The following REST variants were observed in gnomAD, a reference collection of about 807,000 sequenced individuals.
REST encodes the protein RE1-silencing transcription factor.
A neutral mutation model predicts 30.4 loss-of-function variants in REST; 1 was observed. That is an observed-to-expected ratio of 0.03 (90% CI 0.01 to 0.16). The LOEUF (loss-of-function observed/expected upper bound fraction) is 0.16, where lower values mean the gene tolerates loss of function less well. Among genes scored for constraint, REST ranks in the 10% least tolerant of loss-of-function variants. REST has a pLI of 1.00. For missense variants in REST, 1,259 were observed against 1,329.5 expected, an observed-to-expected ratio of 0.95 and a Z score of 0.82; for synonymous variants, 504 against 451.1, an observed-to-expected ratio of 1.12 and a Z score of -1.49.
chr4:56,915,074 G>A lies in REST; in HGVS notation c.898+3538G>A, dbSNP rs528391174. ...TGAGTAGCTGGGATTCCAGGCATGC[G>A]CCACCACACCTGCTAATTTTGTATT... is the stretch of plus-strand genomic sequence containing the variant. On this transcript the variant is annotated intron_variant, in intron 2 of 3. Coordinates refer to ENST00000309042, the MANE Select transcript of REST (RefSeq NM_005612.5). Among the ~76,000 whole-genome samples, 7 of 151,012 alleles carry A rather than the reference G, an allele frequency of 4.6e-5. No individual in the cohort carries two copies. In the East Asian group the frequency reaches 1.4e-3, roughly 29 times the overall value.
intron 2 of REST, among the ~76,000 whole-genome samples, chr4:56,917,564 A>C (rs1358973221): frequency 6.6e-6 from 1 of 152,214 alleles, no homozygotes; most frequent in East Asian, 1.9e-4. Flanking sequence ...GATAGCTTAC[A>C]TTTATTGAGG....
At chr4:56,921,123 C>G (rs542805367) in intron 3 of REST, among the ~76,000 whole-genome samples, 2 of 152,152 alleles carry the variant, frequency 1.3e-5, no homozygotes, top group African/African-American at 2.4e-5. Flanking sequence ...TTTGGCCTCC[C>G]AAAGTACTGG....
In REST at chr4:56,931,526, A is replaced by G; in HGVS notation, c.2668A>G (p.Lys890Glu). 6.2e-7 allele frequency: 1 copy of G among 1,614,220 alleles called. No homozygotes were observed. Among genetic ancestry groups the G allele is most frequent in the South Asian group, 1.1e-5 (1 of 91,076 alleles). The part of the protein sequence containing the change: ...QKLLNTGEGN[K>E]EAPLQKVGAE... ...ATTACTCAACACAGGTGAAGGAAATAAAGAAGCCCCTCTTCAGAAAGTAGG... is the reference window on the plus strand; with the variant it reads ...ATTACTCAACACAGGTGAAGGAAATGAAGAAGCCCCTCTTCAGAAAGTAGG... Residue 890 changes from lysine to glutamate, a missense_variant, in exon 4 of 4, where the codon AAA becomes GAA. By Grantham distance (56) the Lys-to-Glu change is moderately conservative (BLOSUM62 1). Around this residue, in one of 5 missense-constraint regions of REST, gnomAD observed 856 missense variants for 772.8 expected, o/e 1.11. Transcript: ENST00000309042.
In REST at chr4:56,930,791, C is replaced by A. The variant is rs138773727; in HGVS notation, c.1933C>A (p.Arg645=). Residue 645 remains arginine (R), a synonymous_variant, in exon 4 of 4, where the codon CGG becomes AGG. Transcript: ENST00000309042. ...TGCTCAGATGGAGGGTGCCCAGATA[C>A]GGCCTGCTCCTGACGAGCCTGTTCA... ...EHAQMEGAQI[R]PAPDEPVQME... 6.2e-7 allele frequency: 1 copy of A among 1,604,014 alleles called. No individual in the cohort carries two copies. Among genetic ancestry groups the A allele is most frequent in the Non-Finnish European group, 8.5e-7 (1 of 1,175,630 alleles).
At chr4:56,920,758 T>C (rs1720410678) in intron 3 of REST, among the ~76,000 whole-genome samples, 1 of 152,148 alleles carries the variant, frequency 6.6e-6, no homozygotes, top group Non-Finnish European at 1.5e-5. Context: ...AAAGTCCCTA[T>C]TGTCAAAGTA....
At chr4:56,916,079 G>C (rs1395639867) in intron 2 of REST, among the ~76,000 whole-genome samples, 1 of 150,152 alleles carries the variant, frequency 6.7e-6, no homozygotes, top group South Asian at 2.2e-4. Flanking sequence ...CCAGCCTGGG[G>C]GACAGAGTGA....
In REST at chr4:56,910,767, A is replaced by G. The variant is rs2109522695; in HGVS notation, c.129A>G (p.Ala43=). Residue 43 remains alanine (A), a synonymous_variant, in exon 2 of 4, where the codon GCA becomes GCG. Transcript: ENST00000309042. Reference sequence around the variant, plus strand: ...ACCTTTCCAAAGCTGAACTGGCCGCACCTCAGCTTATTATGCTGGCAAATG... The same window carrying G: ...ACCTTTCCAAAGCTGAACTGGCCGCGCCTCAGCTTATTATGCTGGCAAATG... ...LHDLSKAELA[A]PQLIMLANVA... 1.2e-6 allele frequency: 2 copies of G among 1,614,206 alleles called. No homozygotes were observed. Among genetic ancestry groups the G allele is most frequent in the Non-Finnish European group, 1.7e-6 (2 of 1,180,034 alleles).
At chr4:56,913,895 C>T (rs1451950580) in intron 2 of REST, among the ~76,000 whole-genome samples, 7 of 152,194 alleles carry the variant, frequency 4.6e-5, no homozygotes, top group Middle Eastern at 3.4e-3. Flanking sequence ...TGATCTGCCT[C>T]GGCCTCCCAA....
At position 56,924,818 on chromosome 4, in the gene REST, C is replaced by T. The variant is rs933101300; in HGVS notation, c.982+4948C>T. ...GATTTATCCATGTTGCGTTATTGGA[C>T]TTCATTTTATTGCTGGTAATGTATT... On this transcript the variant is annotated intron_variant, in intron 3 of 3. Coordinates refer to ENST00000309042, the MANE Select transcript of REST (RefSeq NM_005612.5). Among the ~76,000 whole-genome samples the T allele has an allele frequency of 3.9e-5, 6 of 152,106 alleles. No homozygotes were observed. In the East Asian group the frequency reaches 1.2e-3, roughly 29 times the overall value.
At chr4:56,923,938 G>A (rs1720563318) in intron 3 of REST, among the ~76,000 whole-genome samples, 2 of 151,308 alleles carry the variant, frequency 1.3e-5, no homozygotes, top group African/African-American at 4.9e-5. Flanking sequence ...AGCCAGGATA[G>A]TCTTGATCTC....
intron 3 of REST, among the ~76,000 whole-genome samples, chr4:56,929,539 A>G (rs528202029): frequency 9.3e-4 from 142 of 152,354 alleles, no homozygotes; most frequent in Middle Eastern, 6.8e-3. Flanking sequence ...ATTAACATCC[A>G]GAGCCCAATT....
rs1406735624 is a variant in REST at position 56,932,221 on chromosome 4, G to A, written c.*69G>A. 2 of 1,468,184 alleles carry A rather than the reference G, an allele frequency of 1.4e-6. No individual in the cohort carries two copies. Among genetic ancestry groups the A allele is most frequent in the East Asian group, 4.6e-5 (2 of 43,806 alleles). 90.9% of individuals were successfully genotyped at this position (1,468,184 alleles called of 1,614,324 possible). ...TTACATTTTATATTCATTTATGATA[G>A]CAGACAACCTTTTAAGATTGCTTTA... is the stretch of plus-strand genomic sequence containing the variant. On this transcript the variant is annotated 3_prime_UTR_variant, in exon 4 of 4. Transcript: ENST00000309042.
At chr4:56,923,854 T>C (rs923113079) in intron 3 of REST, among the ~76,000 whole-genome samples, 3 of 152,116 alleles carry the variant, frequency 2.0e-5, no homozygotes, top group Non-Finnish European at 4.4e-5. Flanking sequence ...CCCTAGTATC[T>C]GGGACTACAG....
intron 2 of REST, among the ~76,000 whole-genome samples, chr4:56,914,586 TAGAC>T (rs1212886684): frequency 2.6e-5 from 4 of 152,220 alleles, no homozygotes; most frequent in Admixed American, 2.0e-4. Flanking sequence ...CAGTTTGAAT[TAGAC>T]AGACTGTTAG....
Position 56,930,049 on chromosome 4 carries a change from A to G in REST, c.1191A>G (p.Ala397=). The part of the protein sequence containing the change: ...RQFNCPVCDY[A]ASKKCNLQYH... The stretch of plus-strand genomic sequence containing the variant: ...TCAATTGCCCTGTATGTGACTATGC[A>G]GCTTCCAAGAAGTGTAATCTACAGT... Residue 397 remains alanine (A), a synonymous_variant, in exon 4 of 4, where the codon GCA becomes GCG. Coordinates refer to ENST00000309042, the MANE Select transcript of REST (RefSeq NM_005612.5). The G allele has an allele frequency of 1.2e-6, 2 of 1,614,192 alleles. No homozygotes were observed. The highest frequency in any genetic ancestry group is 1.7e-6 in the Non-Finnish European group (2 of 1,180,028).
rs141964506 is a variant in REST at position 56,930,944 on chromosome 4, A to G, written c.2086A>G (p.Thr696Ala). The stretch of plus-strand genomic sequence containing the variant: ...GCCTCCTCCCATGGAGACTGCTCAG[A>G]CGGAGGTTGCCCAAATGGGGCCTGC... The part of the protein sequence containing the change: ...ELPPPMETAQ[T>A]EVAQMGPAPM... The change falls in exon 4 of 4, where the codon ACG becomes GCG. Residue 696 changes from threonine to alanine, a missense_variant. By Grantham distance (58) the Thr-to-Ala change is moderately conservative. Around this residue, in one of 5 missense-constraint regions of REST, gnomAD observed 856 missense variants for 772.8 expected, o/e 1.11. Coordinates refer to ENST00000309042, the MANE Select transcript of REST (RefSeq NM_005612.5). The G allele has an allele frequency of 8.7e-6, 14 of 1,613,914 alleles. No homozygotes were observed. In the East Asian group the frequency reaches 2.9e-4, roughly 33 times the overall value.
chr4:56,913,523 G>A (rs1720030995), intron 2 of REST, among the ~76,000 whole-genome samples: 2 of 152,140 alleles, frequency 1.3e-5, no homozygotes, highest in Non-Finnish European at 2.9e-5. Context: ...TAGGGGGTGT[G>A]GGATGCTGTT....
Position 56,908,168 on chromosome 4 carries a change from G to A in REST, c.-55G>A, listed in dbSNP as rs928119268. On this transcript the variant is annotated 5_prime_UTR_variant, in exon 1 of 4. Coordinates refer to ENST00000309042, the MANE Select transcript of REST (RefSeq NM_005612.5). ...CAACAAAGAAAAGTAGTCGGAGAAG[G>A]AGCGGCGACTCAGGGTCGCCCGCCC... 10 of 240,790 alleles carry A rather than the reference G, an allele frequency of 4.2e-5. No individual in the cohort carries two copies. Among genetic ancestry groups the A allele is most frequent in the Non-Finnish European group, 8.0e-5 (10 of 124,770 alleles). The allele number at this position is 240,790 out of a possible 1,614,324, so 14.9% of individuals were successfully genotyped here. A position where few individuals can be genotyped will look rare whatever the true frequency, so the allele number is the denominator to read the frequency against.
intron 2 of REST, among the ~76,000 whole-genome samples, chr4:56,916,118 A>G (rs947422442): frequency 6.7e-6 from 1 of 148,902 alleles, no homozygotes; most frequent in African/African-American, 2.5e-5. Context: ...AACTACAAGT[A>G]GCATTTAAAG....
Sources: allele counts gnomAD v4.1 joint callset (sites outside exome capture counted in the v4.1 genomes callset), GRCh38; gene constraint gnomAD v4.1.1; regional missense constraint gnomAD v4.1.1; transcripts MANE v1.5; gene names NCBI Gene and HGNC (gene_info 2026-07-23, HGNC 2026-07-21).